PARG: variants seen among roughly 807,000 people sequenced by gnomAD.
PARG encodes the protein poly(ADP-ribose) glycohydrolase.
Under a neutral mutation model 113.0 loss-of-function variants are expected in PARG, and 35 were observed. The ratio of observed to expected loss-of-function variants is 0.31; its 90% confidence interval spans 0.24 to 0.41. The LOEUF is 0.41. PARG is among the 10% of genes least tolerant of loss of function. PARG has a pLI of 1.00. For missense variants in PARG, 797 were observed against 1,169.4 expected, an observed-to-expected ratio of 0.68 and a Z score of 4.64; for synonymous variants, 330 against 409.9, an observed-to-expected ratio of 0.81 and a Z score of 2.36.
rs144024834 is a variant in PARG, at chr10:49,839,072, C to A, written c.2541+2878G>T. On this transcript the variant is annotated intron_variant, in intron 15 of 17. Transcript: ENST00000616448. ...GTTATTTAGGCCAGGCGTGGTGGCT[C>A]ACGCCTGTAATCCCAGCATTTTGGG... Among the ~76,000 whole-genome samples the A allele has an allele frequency of 2.7e-3, 406 of 152,294 alleles. 1 individual carries two copies. The highest frequency in any genetic ancestry group is 9.3e-3 in the African/African-American group (386 of 41,562).
In PARG at chr10:49,922,601, G is replaced by A. The variant is rs1421778011; in HGVS notation, c.1524C>T (p.Asn508=). The part of the protein sequence containing the change: ...FPTHYKDLWD[N]KHVKMPCSEQ... ...CTGAACAAGGCATTTTAACATGCTT[G>A]TTATCCCACAAATCTTTATAATGTG... The change falls in exon 5 of 18, where the codon AAC becomes AAT. Residue 508 remains asparagine (N), a synonymous_variant. Transcript: ENST00000616448. 3.7e-6 allele frequency: 6 copies of A among 1,607,342 alleles called. No individual in the cohort carries two copies. The African/African-American group carries it at 6.7e-5, about 18-fold the overall frequency.
chr10:49,908,917 A>G (rs1479825536), intron 7 of PARG, among the ~76,000 whole-genome samples: 1 of 152,196 alleles, frequency 6.6e-6, no homozygotes, highest in South Asian at 2.1e-4. Flanking sequence ...TTCCCAAACT[A>G]TTCTAAAAAG....
At chr10:49,841,150 G>A (rs1305588601) in intron 15 of PARG, among the ~76,000 whole-genome samples, 1 of 152,134 alleles carries the variant, frequency 6.6e-6, no homozygotes, top group Non-Finnish European at 1.5e-5. Flanking sequence ...TTACTTGGGA[G>A]GCTGAGGCAG....
At chr10:49,857,612 T>G (rs1299976352) in intron 12 of PARG, among the ~76,000 whole-genome samples, 159 bp from the exon 13 acceptor site, 1 of 149,118 alleles carries the variant, frequency 6.7e-6, no homozygotes, top group Non-Finnish European at 1.5e-5. Flanking sequence ...TTGCTTAAGC[T>G]CTTTCCACCT....
chr10:49,933,033 G>A (rs1438078694), intron 3 of PARG, 144 bp downstream of exon 3: 5 of 637,616 alleles, frequency 7.8e-6, no homozygotes, highest in Non-Finnish European at 1.4e-5. Context: ...AAACTTTGGA[G>A]TCTAGGTTTA....
rs1839105019 is a variant in PARG at position 49,941,870 on chromosome 10, T to C, written c.-145A>G. ...CGCTGCCTGCTTCTGCAATTGCTGA[T>C]CCGCCGGCCTCCCAAGTCAGGCCGT... On this transcript the variant is annotated 5_prime_UTR_variant, in exon 1 of 18. Transcript: ENST00000616448. 2.7e-5 allele frequency: 38 copies of C among 1,408,568 alleles called. No homozygotes were observed. Among genetic ancestry groups the C allele is most frequent in the Non-Finnish European group, 3.3e-5 (34 of 1,030,984 alleles). The allele number at this position is 1,408,568 out of a possible 1,614,324, so 87.3% of individuals were successfully genotyped here.
At chr10:49,843,454 A>G (rs1845344497) in intron 14 of PARG, 100 bp downstream of exon 14, 1 of 744,192 alleles carries the variant, frequency 1.3e-6, no homozygotes, top group South Asian at 1.6e-5. Flanking sequence ...TTTTAAGTTC[A>G]CTTGCTGAAA....
At chr10:49,926,708 A>G (rs1190223622) in intron 4 of PARG, among the ~76,000 whole-genome samples, 4 of 152,238 alleles carry the variant, frequency 2.6e-5, no homozygotes, top group African/African-American at 4.8e-5. Flanking sequence ...AGAATCTCCG[A>G]ATCCTGCAAC....
intron 4 of PARG, among the ~76,000 whole-genome samples, chr10:49,924,619 G>GGAAC (rs1259645305): frequency 1.3e-5 from 2 of 150,220 alleles, no homozygotes; most frequent in East Asian, 3.9e-4. Context: ...GGCCATGATG[G>GGAAC]GAACGGGTGG....
chr10:49,934,780 C>A (rs1308435275), intron 2 of PARG, among the ~76,000 whole-genome samples: 1 of 150,962 alleles, frequency 6.6e-6, no homozygotes, highest in Non-Finnish European at 1.5e-5. Flanking sequence ...ACCCAGGAGG[C>A]AGAGCTTGCA....
At chr10:49,881,529 G>A (rs1478306050) in intron 8 of PARG, among the ~76,000 whole-genome samples, 2 of 152,166 alleles carry the variant, frequency 1.3e-5, no homozygotes, top group Non-Finnish European at 2.9e-5. Context: ...AGAACTAAGA[G>A]TTTCAGGTAA....
At chr10:49,906,159 T>TC (rs1554844921) in intron 7 of PARG, among the ~76,000 whole-genome samples, 4 of 142,276 alleles carry the variant, frequency 2.8e-5, no homozygotes, top group East Asian at 2.0e-4. Flanking sequence ...TTTTTTTTTT[T>TC]CCCAGTAGAA....
chr10:49,868,139 C>T (rs1187065550), intron 10 of PARG, among the ~76,000 whole-genome samples: 1 of 152,128 alleles, frequency 6.6e-6, no homozygotes, highest in Non-Finnish European at 1.5e-5. Flanking sequence ...ACTCTCCCGC[C>T]ACCGCGCCTG....
At chr10:49,848,711 T>C (rs1845625190) in intron 13 of PARG, among the ~76,000 whole-genome samples, 1 of 152,038 alleles carries the variant, frequency 6.6e-6, no homozygotes. Context: ...ACATATTGAA[T>C]TGTAATCTGA....
chr10:49,904,238 A>T (rs536448913), intron 7 of PARG, among the ~76,000 whole-genome samples: 1 of 152,240 alleles, frequency 6.6e-6, no homozygotes, highest in South Asian at 2.1e-4. Context: ...GAGTGGTGAC[A>T]AGGCTAGTTT....
At chr10:49,860,899 T>C (rs1365756366) in intron 12 of PARG, among the ~76,000 whole-genome samples, 1 of 152,146 alleles carries the variant, frequency 6.6e-6, no homozygotes, top group Non-Finnish European at 1.5e-5. Context: ...TAAAGAAGCA[T>C]TATAAATCAA....
At chr10:49,831,507 T>A (rs1408118878) in intron 16 of PARG, among the ~76,000 whole-genome samples, 1 of 152,192 alleles carries the variant, frequency 6.6e-6, no homozygotes, top group Non-Finnish European at 1.5e-5. Flanking sequence ...GGTGCCTTTG[T>A]TCTGCTAATG....
chr10:49,914,338 A>T (rs1167912819), intron 7 of PARG, among the ~76,000 whole-genome samples: 1 of 152,236 alleles, frequency 6.6e-6, no homozygotes, highest in African/African-American at 2.4e-5. Flanking sequence ...TCTACTTTTC[A>T]TCATATCAGA....
intron 6 of PARG, among the ~76,000 whole-genome samples, chr10:49,918,282 C>T (rs1588988143): frequency 6.6e-6 from 1 of 152,112 alleles, no homozygotes; most frequent in Admixed American, 6.6e-5. Context: ...GTTATTATTC[C>T]TCAAAGTTGG....
Sources: gnomAD v4.1 joint callset for allele counts (sites outside exome capture counted in the v4.1 genomes callset) on GRCh38, gnomAD v4.1.1 for gene constraint, MANE v1.5 for transcripts, NCBI Gene and HGNC (gene_info 2026-07-23, HGNC 2026-07-21) for gene names.